MAP2K1: variants seen among roughly 807,000 people sequenced by gnomAD.
MAP2K1 encodes dual specificity mitogen-activated protein kinase kinase 1.
A neutral mutation model predicts 46.3 loss-of-function variants in MAP2K1; 16 were observed. That is an observed-to-expected ratio of 0.35 (90% CI 0.23 to 0.52). MAP2K1 has a LOEUF of 0.52. Among genes scored for constraint, MAP2K1 ranks in the 20% least tolerant of loss-of-function variants. The pLI, the probability that MAP2K1 is intolerant of heterozygous loss-of-function variation, is 0.94. For missense variants in MAP2K1, 263 were observed against 497.1 expected (o/e 0.53, Z 4.48); for synonymous variants, 183 against 185.6 (o/e 0.99, Z 0.11).
intron 5 of MAP2K1, among the ~76,000 whole-genome samples, chr15:66,447,922 G>A (rs982688832): frequency 6.6e-6 from 1 of 151,566 alleles, no homozygotes; most frequent in Non-Finnish European, 1.5e-5. Context: ...AGGATGAGGT[G>A]GGCAGATCAC....
At chr15:66,482,543 G>A (rs1268298798) in intron 6 of MAP2K1, among the ~76,000 whole-genome samples, 1 of 152,180 alleles carries the variant, frequency 6.6e-6, no homozygotes, top group Non-Finnish European at 1.5e-5. Context: ...TGGCTCTGCT[G>A]GCTCACACTG....
chr15:66,441,599 A>T (rs889237011), intron 3 of MAP2K1, among the ~76,000 whole-genome samples: 5 of 152,118 alleles, frequency 3.3e-5, no homozygotes, highest in Admixed American at 2.6e-4. Context: ...TCCTCCTCTG[A>T]GCATCAGTAG....
intron 1 of MAP2K1, among the ~76,000 whole-genome samples, chr15:66,400,487 G>A (rs1595839718): frequency 6.6e-6 from 1 of 152,288 alleles, no homozygotes; most frequent in South Asian, 2.1e-4. Context: ...AACAAAATGA[G>A]GCAAACCTGA....
At chr15:66,398,823 G>C (rs909727735) in intron 1 of MAP2K1, among the ~76,000 whole-genome samples, 1 of 149,660 alleles carries the variant, frequency 6.7e-6, no homozygotes, top group Non-Finnish European at 1.5e-5. Flanking sequence ...GTCCAGGCTA[G>C]AGTGCAGTGG....
chr15:66,403,942 A>T (rs1316051997), intron 1 of MAP2K1, among the ~76,000 whole-genome samples: 1 of 152,188 alleles, frequency 6.6e-6, no homozygotes, highest in African/African-American at 2.4e-5. Flanking sequence ...CAAGAATTCC[A>T]AGCTCACTGT....
intron 5 of MAP2K1, among the ~76,000 whole-genome samples, chr15:66,476,372 T>C (rs141884920): frequency 0.027 from 4,173 of 152,278 alleles, 99 homozygotes; most frequent in Non-Finnish European, 0.039. Context: ...AGGGCTCTGC[T>C]AGGAGAATGT....
chr15:66,415,092 TCCGGTAGTGCCA>T (rs1421532160), intron 1 of MAP2K1: 1 of 515,268 alleles, frequency 1.9e-6, no homozygotes, highest in Non-Finnish European at 3.9e-6. Flanking sequence ...TTCAAAATGC[TCCGGTAGTGCCA>T]CTATTGCTGA....
intron 1 of MAP2K1, among the ~76,000 whole-genome samples, chr15:66,428,759 T>C (rs1242530394): frequency 6.6e-6 from 1 of 150,584 alleles, no homozygotes; most frequent in East Asian, 1.9e-4. Context: ...TTGCCCTTTT[T>C]TGAATTTTCT....
At chr15:66,436,938 G>T (rs761720615) in intron 3 of MAP2K1, 46 bp downstream of exon 3, 1 of 1,608,378 alleles carries the variant, frequency 6.2e-7, no homozygotes, top group Non-Finnish European at 8.5e-7. Flanking sequence ...CTTAAGAGTT[G>T]GGTGGCTCTG....
chr15:66,428,584 A>G (rs1324049515), intron 1 of MAP2K1, among the ~76,000 whole-genome samples: 1 of 151,984 alleles, frequency 6.6e-6, no homozygotes, highest in Non-Finnish European at 1.5e-5. Context: ...ACCAATTTAA[A>G]TGTTAATCTC....
intron 5 of MAP2K1, among the ~76,000 whole-genome samples, chr15:66,467,446 T>C (rs1367369906): frequency 6.6e-6 from 1 of 152,212 alleles, no homozygotes; most frequent in Non-Finnish European, 1.5e-5. Context: ...CCTTCCTGCC[T>C]GGGGACTAGG....
chr15:66,482,486 C>T (rs1892936515), intron 6 of MAP2K1, among the ~76,000 whole-genome samples: 1 of 152,202 alleles, frequency 6.6e-6, no homozygotes, highest in African/African-American at 2.4e-5. Flanking sequence ...AGAGTCTCTG[C>T]TCCACTTCAG....
intron 5 of MAP2K1, among the ~76,000 whole-genome samples, chr15:66,461,513 T>TA (rs1455156672): frequency 0.012 from 1,735 of 142,664 alleles, 16 homozygotes; most frequent in Admixed American, 0.024. Flanking sequence ...AATAAATAAA[T>TA]AATAAAATAA....
chr15:66,488,126 G>GCCTCTGCTGGCACACAGCC (rs757231538), intron 8 of MAP2K1, among the ~76,000 whole-genome samples: 2 of 152,076 alleles, frequency 1.3e-5, no homozygotes, highest in Non-Finnish European at 2.9e-5. Context: ...TTCTACTGCA[G>GCCTCTGCTGGCACACAGCC]CCTCTGCTGG....
intron 3 of MAP2K1, among the ~76,000 whole-genome samples, chr15:66,438,861 G>A (rs1042918702): frequency 6.6e-6 from 1 of 152,166 alleles, no homozygotes; most frequent in Non-Finnish European, 1.5e-5. Flanking sequence ...GGACTCGATG[G>A]GGGAGGGTTA....
Position 66,486,281 on chromosome 15 carries a change from T to C in MAP2K1, c.896-947T>C, listed in dbSNP as rs537667805. Among the ~76,000 whole-genome samples, 28 of 152,328 alleles carry C rather than the reference T, an allele frequency of 1.8e-4. 1 individual carries two copies. Among genetic ancestry groups the C allele is most frequent in the Non-Finnish European group, 3.8e-4 (26 of 68,038 alleles). ...AAGACAAAATTCACATTTTAAAGCA[T>C]GTAGTTCAGTGGTTTTTAGTGTATT... On this transcript the variant is annotated intron_variant, in intron 7 of 10. Coordinates refer to ENST00000307102, the MANE Select transcript of MAP2K1 (RefSeq NM_002755.4).
chr15:66,461,279 C>T (rs1892312455), intron 5 of MAP2K1, among the ~76,000 whole-genome samples: 1 of 151,938 alleles, frequency 6.6e-6, no homozygotes, highest in African/African-American at 2.4e-5. Context: ...CATGGGAGGG[C>T]AGGAGTTTGA....
At chr15:66,421,862 CT>C (rs1221573620) in intron 1 of MAP2K1, among the ~76,000 whole-genome samples, 1 of 145,990 alleles carries the variant, frequency 6.8e-6, no homozygotes, top group East Asian at 2.1e-4. Flanking sequence ...AGATTAGCCC[CT>C]ACTAGAATGC....
intron 5 of MAP2K1, among the ~76,000 whole-genome samples, chr15:66,462,603 G>GGAAA (rs929198377): frequency 6.7e-5 from 10 of 148,534 alleles, no homozygotes; most frequent in Non-Finnish European, 1.2e-4. Flanking sequence ...AGATTTTTCT[G>GGAAA]AAAAAAAAAA....
Sources: allele counts gnomAD v4.1 joint callset (sites outside exome capture counted in the v4.1 genomes callset), GRCh38; gene constraint gnomAD v4.1.1; transcripts MANE v1.5; gene names NCBI Gene and HGNC (gene_info 2026-07-23, HGNC 2026-07-21).